Variants in MILR1 observed in about 807,000 individuals in gnomAD.
MILR1 encodes mast cell immunoglobulin like receptor 1.
MILR1 carries 31 observed loss-of-function variants against 18.5 expected under a neutral mutation model. The observed-to-expected ratio is 1.68, with a 90% CI of 1.26 to 2.26. The LOEUF is 2.26. Ranked by LOEUF, MILR1 falls within the 30% of genes most tolerant of loss-of-function variation. The pLI is 0.00. For synonymous variants in MILR1, 85 were observed against 56.2 expected (o/e 1.51, Z -2.30); for missense variants, 257 against 157.4 (o/e 1.63, Z -3.38).
chr17:64,492,145 T>G, the MILR1 span, among the ~76,000 whole-genome samples: 663 of 152,318 alleles, frequency 4.4e-3, 7 homozygotes, highest in African/African-American at 0.015. Flanking sequence ...TAGTCCTCAT[T>G]CTTACCCTTC....
chr17:64,457,956 C>T (rs2037337341), intron 4 of MILR1, among the ~76,000 whole-genome samples: 2 of 152,112 alleles, frequency 1.3e-5, no homozygotes, highest in South Asian at 4.2e-4. Context: ...TGCTTTCTGC[C>T]ATAAAGGAAC....
intron 8 of MILR1, 111 bp downstream of exon 8, chr17:64,466,773 T>C: frequency 1.1e-6 from 1 of 877,714 alleles, no homozygotes; most frequent in Non-Finnish European, 1.8e-6. Context: ...ATGGGAGCAA[T>C]GCAGGCACAC....
intron 5 of MILR1, among the ~76,000 whole-genome samples, chr17:64,463,818 T>C (rs1015611151): frequency 1.8e-5 from 2 of 109,264 alleles, no homozygotes; most frequent in African/African-American, 8.7e-5. Context: ...TCCTGGCTAA[T>C]TTTTTTTTTT....
At chr17:64,470,541 G>A (rs1291405105), downstream of MILR1, among the ~76,000 whole-genome samples, 1 of 152,144 alleles carries the variant, frequency 6.6e-6, no homozygotes, top group South Asian at 2.1e-4. Flanking sequence ...AATAAGAGGG[G>A]CTGTTCTCCT....
chr17:64,489,361 T>A, the MILR1 span, among the ~76,000 whole-genome samples: 247 of 135,366 alleles, frequency 1.8e-3, no homozygotes, highest in Middle Eastern at 0.011. Context: ...TGTTTTTTTT[T>A]AAAAAAAAAA....
At chr17:64,459,499 T>C (rs927967005) in intron 4 of MILR1, among the ~76,000 whole-genome samples, 9 of 151,982 alleles carry the variant, frequency 5.9e-5, no homozygotes, top group Non-Finnish European at 1.2e-4. Context: ...CAAGGCACAC[T>C]TGGACATTGA....
At chr17:64,494,990 GGTGAAACCCC>G in the MILR1 span, among the ~76,000 whole-genome samples, 1 of 151,460 alleles carries the variant, frequency 6.6e-6, no homozygotes, top group South Asian at 2.1e-4. Flanking sequence ...TGGCTAACAA[GGTGAAACCCC>G]GTCTCTACTA....
At chr17:64,485,963 C>T in the MILR1 span, 2 of 1,248,898 alleles carry the variant, frequency 1.6e-6, no homozygotes, top group Admixed American at 3.7e-5. Context: ...CCTGGCCAGG[C>T]TGGAGTGCAG....
chr17:64,494,873 T>G, the MILR1 span, among the ~76,000 whole-genome samples: 1 of 152,186 alleles, frequency 6.6e-6, no homozygotes, highest in Admixed American at 6.5e-5. Context: ...CTGGTTCATC[T>G]TAGAAACCAA....
the MILR1 span, chr17:64,491,502 T>C: frequency 1.4e-6 from 2 of 1,441,336 alleles, no homozygotes; most frequent in East Asian, 2.3e-5. Flanking sequence ...AGAGTGAGAC[T>C]ATGTCTCTAA....
intron 5 of MILR1, among the ~76,000 whole-genome samples, chr17:64,463,957 G>C (rs2037488576): frequency 6.6e-6 from 1 of 150,978 alleles, no homozygotes; most frequent in Non-Finnish European, 1.5e-5. Context: ...CTGAGTAGCT[G>C]GGATTACAGG....
intron 3 of MILR1, among the ~76,000 whole-genome samples, chr17:64,453,158 T>A (rs1487048462): frequency 6.6e-6 from 1 of 151,624 alleles, no homozygotes; most frequent in East Asian, 1.9e-4. Flanking sequence ...AAACTCCACC[T>A]CCTGGGTTCA....
chr17:64,489,720 G>C, the MILR1 span, among the ~76,000 whole-genome samples: 2 of 151,628 alleles, frequency 1.3e-5, no homozygotes, highest in Non-Finnish European at 1.5e-5. Context: ...CCATACCACT[G>C]TGTTTCAGCC....
At chr17:64,486,406 G>A in the MILR1 span, among the ~76,000 whole-genome samples, 2 of 151,238 alleles carry the variant, frequency 1.3e-5, no homozygotes, top group South Asian at 4.2e-4. Flanking sequence ...TGTCACCCAG[G>A]CTGGAGTGCA....
At chr17:64,460,173 G>A (rs1202047386) in intron 4 of MILR1, among the ~76,000 whole-genome samples, 15 of 150,688 alleles carry the variant, frequency 1.0e-4, no homozygotes, top group African/African-American at 2.9e-4. Context: ...ATACAGGCAC[G>A]CGCCACCAGG....
chr17:64,491,950 C>A, the MILR1 span, among the ~76,000 whole-genome samples: 213 of 135,954 alleles, frequency 1.6e-3, no homozygotes, highest in African/African-American at 3.5e-3. Flanking sequence ...AAAAAAAAAA[C>A]CAAAAACAGA....
At chr17:64,456,391 A>G (rs995941546) in intron 3 of MILR1, among the ~76,000 whole-genome samples, 3 of 152,172 alleles carry the variant, frequency 2.0e-5, no homozygotes, top group African/African-American at 7.2e-5. Flanking sequence ...AACAGAGTGT[A>G]GCAGACCCAT....
At chr17:64,464,029 G>A (rs1028748449) in intron 5 of MILR1, among the ~76,000 whole-genome samples, 9 of 151,594 alleles carry the variant, frequency 5.9e-5, no homozygotes, top group Admixed American at 4.0e-4. Context: ...TCACTATGTT[G>A]GCCAGGCTGG....
chr17:64,469,496 A>C (rs1476028842), downstream of MILR1, among the ~76,000 whole-genome samples: 1 of 152,040 alleles, frequency 6.6e-6, no homozygotes, highest in African/African-American at 2.4e-5. Flanking sequence ...CTCCCGGATT[A>C]AAGCGATTCT....
Sources: allele counts gnomAD v4.1 joint callset (sites outside exome capture counted in the v4.1 genomes callset), GRCh38; gene constraint gnomAD v4.1.1; transcripts MANE v1.5; gene names NCBI Gene and HGNC (gene_info 2026-07-23, HGNC 2026-07-21).